Variants in KCNK12 observed in about 807,000 individuals in gnomAD.
The protein encoded by KCNK12 is potassium two pore domain channel subfamily K member 12.
KCNK12 carries 6 observed loss-of-function variants against 25.3 expected under a neutral mutation model. The observed-to-expected ratio is 0.24, with a 90% confidence interval of 0.13 to 0.47. KCNK12 has a LOEUF of 0.47. Ranked by LOEUF, KCNK12 falls within the 20% of genes least tolerant of loss-of-function variation. KCNK12 has a pLI of 0.99. For synonymous variants in KCNK12, 331 were observed against 311.1 expected (o/e 1.06, Z -0.67); for missense variants, 444 against 661.7 (o/e 0.67, Z 3.61).
In KCNK12 at chr2:47,569,060, G is replaced by A. The variant is rs1349120266; in HGVS notation, c.391+881C>T. ...GTGGCTCCAGAATTTCTCCACAGGA[G>A]CTCAGAGGCAGCAATCTGGCCACAG... is the stretch of plus-strand genomic sequence containing the variant. On this transcript the variant is annotated intron_variant, in intron 1 of 1. Transcript: ENST00000327876. This position sits in a 1 kb window ranked among gnomAD's most constrained non-coding sequence, Gnocchi z 4.1. Among the ~76,000 whole-genome samples the A allele has an allele frequency of 6.6e-6, 1 of 151,954 alleles. No homozygotes were observed. The highest frequency in any genetic ancestry group is 6.6e-5 in the Admixed American group (1 of 15,250).
Position 47,570,370 on chromosome 2 carries a change from G to T in KCNK12, c.-39C>A. 8.2e-7 allele frequency: 1 copy of T among 1,217,748 alleles called. No individual in the cohort carries two copies. The highest frequency in any genetic ancestry group is 3.5e-5 in the East Asian group (1 of 28,894). The allele number at this position is 1,217,748 out of a possible 1,614,324, so 75.4% of individuals were successfully genotyped here. On this transcript the variant is annotated 5_prime_UTR_variant, in exon 1 of 2. Transcript: ENST00000327876. ...GCCCCGGGGCCGGGGCGGCGCTCGG[G>T]GCCCGGGCCACGACATCCCCCCGGC...
At chr2:47,543,240 A>G (rs1463735544) in intron 1 of KCNK12, 2 of 151,698 alleles carry the variant, frequency 1.3e-5, no homozygotes, top group Non-Finnish European at 2.9e-5. Flanking sequence ...CACCACCACA[A>G]CAAGCACAGA....
intron 1 of KCNK12, among the ~76,000 whole-genome samples, chr2:47,545,914 C>CT (rs541242406): frequency 0.16 from 23,027 of 144,868 alleles, 2,024 homozygotes; most frequent in African/African-American, 0.24. Context: ...CACTTAACTT[C>CT]TTTTTTTTTT....
In KCNK12 at chr2:47,514,979, A is replaced by T. The variant is rs1243878782; in HGVS notation, c.*5928T>A. Among the ~76,000 whole-genome samples, 1 of 152,164 alleles carries T rather than the reference A, an allele frequency of 6.6e-6. No individual in the cohort carries two copies. The highest frequency in any genetic ancestry group is 1.5e-5 in the Non-Finnish European group (1 of 68,026). ...AAAGGTAACTGGCCACAGAAGGGAG[A>T]GGAATGGCAGTCCATCCAGGGATCA... On this transcript the variant is annotated 3_prime_UTR_variant, in exon 2 of 2. Transcript: ENST00000327876. This position sits in a 1 kb window ranked among gnomAD's most constrained non-coding sequence, Gnocchi z 5.0.
chr2:47,522,717 T>C (rs1459268358), intron 1 of KCNK12, among the ~76,000 whole-genome samples: 1 of 152,258 alleles, frequency 6.6e-6, no homozygotes, highest in Non-Finnish European at 1.5e-5. Context: ...CCTCTGGAAT[T>C]GGGCCTAAGG....
intron 1 of KCNK12, among the ~76,000 whole-genome samples, chr2:47,536,724 G>A (rs1240187817): frequency 6.6e-6 from 1 of 152,232 alleles, no homozygotes; most frequent in Non-Finnish European, 1.5e-5. Context: ...AATTCTAGGA[G>A]TTGGGCTTGA....
intron 1 of KCNK12, among the ~76,000 whole-genome samples, chr2:47,532,253 T>G (rs1225005167): frequency 6.6e-6 from 1 of 151,694 alleles, no homozygotes; most frequent in Non-Finnish European, 1.5e-5. Flanking sequence ...TGGGGAGCAC[T>G]GCAGTAGAGA....
Position 47,569,927 on chromosome 2 carries a change from G to A in KCNK12, c.391+14C>T. The A allele has an allele frequency of 7.3e-7, 1 of 1,368,266 alleles. No homozygotes were observed. Among genetic ancestry groups the A allele is most frequent in the East Asian group, 3.1e-5 (1 of 32,390 alleles). 84.8% of individuals were successfully genotyped at this position (1,368,266 alleles called of 1,614,324 possible). A position where few individuals can be genotyped will look rare whatever the true frequency, so the allele number is the denominator to read the frequency against. ...GCACAGAGAGGAAAGATGCGCGGGG[G>A]ACGCGCCGCTCACCTATGGTTGACA... is the stretch of plus-strand genomic sequence containing the variant. On this transcript the variant is annotated intron_variant, in intron 1 of 1. Transcript: ENST00000327876. This position sits in a 1 kb window ranked among gnomAD's most constrained non-coding sequence, Gnocchi z 4.1.
In KCNK12 at chr2:47,534,714, C is replaced by T. The variant is rs148041930; in HGVS notation, c.392-12906G>A. ...CTCACTCCTCCCTCCCACCTCAGGGCGCTCATGTGGGGCTTGTGTGGGGAA... is the reference window on the plus strand; with the variant it reads ...CTCACTCCTCCCTCCCACCTCAGGGTGCTCATGTGGGGCTTGTGTGGGGAA... On this transcript the variant is annotated intron_variant, in intron 1 of 1. Coordinates refer to ENST00000327876, the MANE Select transcript of KCNK12 (RefSeq NM_022055.2). Among the ~76,000 whole-genome samples the T allele has an allele frequency of 3.7e-3, 561 of 152,180 alleles. 2 individuals carry two copies. The highest frequency in any genetic ancestry group is 0.011 in the African/African-American group (463 of 41,504).
At position 47,537,573 on chromosome 2, in the gene KCNK12, C is replaced by T. The variant is rs372438320; in HGVS notation, c.392-15765G>A. On this transcript the variant is annotated intron_variant, in intron 1 of 1. Transcript: ENST00000327876. ...CTCAATCTCTTGACCTCGTGATCCG[C>T]CCGCCTCGGTCTCCCAAAGTGCTGG... 4.7e-4 allele frequency among the ~76,000 whole-genome samples: 71 copies of T among 152,286 alleles called. No individual in the cohort carries two copies. In the South Asian group the frequency reaches 0.015, roughly 31 times the overall value.
Position 47,521,545 on chromosome 2 carries a change from T to A in KCNK12, c.655A>T (p.Ile219Phe). 6.4e-7 allele frequency: 1 copy of A among 1,563,044 alleles called. No individual in the cohort carries two copies. ...AGCAGCACGGCGAACAGGCCCAGGATGAGCAGCACGTGGTACACCGAGGGC... is the reference window on the plus strand; with the variant it reads ...AGCAGCACGGCGAACAGGCCCAGGAAGAGCAGCACGTGGTACACCGAGGGC... ...WKPSVYHVLL[I>F]LGLFAVLLSC... Residue 219 changes from isoleucine (I) to phenylalanine (F), a missense_variant, in exon 2 of 2, where the codon ATC becomes TTC. By Grantham distance (21) the Ile-to-Phe change is conservative. Coordinates refer to ENST00000327876, the MANE Select transcript of KCNK12 (RefSeq NM_022055.2).
intron 1 of KCNK12, among the ~76,000 whole-genome samples, chr2:47,544,410 C>A (rs1669267823): frequency 6.6e-6 from 1 of 152,246 alleles, no homozygotes; most frequent in Admixed American, 6.5e-5. Flanking sequence ...TTACTGAGAA[C>A]CACATTTGGG....
chr2:47,526,212 T>C (rs956974233), intron 1 of KCNK12, among the ~76,000 whole-genome samples: 1 of 143,180 alleles, frequency 7.0e-6, no homozygotes, highest in African/African-American at 2.6e-5. Flanking sequence ...CTGACCAATA[T>C]GCAAAAACCC....
chr2:47,557,988 C>T lies in KCNK12; in HGVS notation c.391+11953G>A, dbSNP rs144209157. Among the ~76,000 whole-genome samples, 1 of 152,212 alleles carries T rather than the reference C, an allele frequency of 6.6e-6. No individual in the cohort carries two copies. The highest frequency in any genetic ancestry group is 2.4e-5 in the African/African-American group (1 of 41,530). ...GCTTACAGGAGCTTTGGAATGAATC[C>T]CTTTGAGAAGCAAAGCCTTCTTTTA... On this transcript the variant is annotated intron_variant, in intron 1 of 1. Transcript: ENST00000327876. The surrounding 1 kb of genome is among the most constrained non-coding windows in gnomAD (Gnocchi z 4.9).
Position 47,560,662 on chromosome 2 carries a change from T to C in KCNK12, c.391+9279A>G, listed in dbSNP as rs911957780. ...AGCCTGTCATCTGTGAAATGGGATA[T>C]AATTTTCTTTGCTGTCCTAGGATTT... On this transcript the variant is annotated intron_variant, in intron 1 of 1. Coordinates refer to ENST00000327876, the MANE Select transcript of KCNK12 (RefSeq NM_022055.2). The surrounding 1 kb of genome is among the most constrained non-coding windows in gnomAD (Gnocchi z 4.7). Among the ~76,000 whole-genome samples, 3 of 152,214 alleles carry C rather than the reference T, an allele frequency of 2.0e-5. No homozygotes were observed. The highest frequency in any genetic ancestry group is 4.8e-5 in the African/African-American group (2 of 41,450).
At chr2:47,535,732 T>C (rs1669053345) in intron 1 of KCNK12, among the ~76,000 whole-genome samples, 1 of 152,136 alleles carries the variant, frequency 6.6e-6, no homozygotes, top group African/African-American at 2.4e-5. Flanking sequence ...ACTCCACCTC[T>C]TGAGGCCTGA....
Position 47,521,134 on chromosome 2 carries a change from C to A in KCNK12, c.1066G>T (p.Asp356Tyr). ...AALGADPAARDSDAEGRRLSG... is the reference protein window; with the variant it reads ...AALGADPAARYSDAEGRRLSG... ...AGGCGGCGGCCCTCGGCGTCGCTGT[C>A]GCGGGCCGCGGGGTCGGCACCGAGC... Residue 356 changes from aspartate (D) to tyrosine (Y), a missense_variant, in exon 2 of 2, where the codon GAC becomes TAC. Transcript: ENST00000327876. 7.9e-7 allele frequency: 1 copy of A among 1,271,106 alleles called. No individual in the cohort carries two copies. The highest frequency in any genetic ancestry group is 3.0e-5 in the South Asian group (1 of 33,328). The allele number at this position is 1,271,106 out of a possible 1,614,324, so 78.7% of individuals were successfully genotyped here. A position where few individuals can be genotyped will look rare whatever the true frequency, so the allele number is the denominator to read the frequency against.
Position 47,560,786 on chromosome 2 carries a change from CA to C in KCNK12, c.391+9154del, listed in dbSNP as rs1669652129. 1.3e-5 allele frequency among the ~76,000 whole-genome samples: 2 copies of C among 152,180 alleles called. No individual in the cohort carries two copies. The highest frequency in any genetic ancestry group is 4.1e-4 in the South Asian group (2 of 4,832). ...TCAATCAGGGAGACCAACAATGCCTCAGTTATCCCCCTCACTCCCCAGAACA... is the reference window on the plus strand; with the variant it reads ...TCAATCAGGGAGACCAACAATGCCTCGTTATCCCCCTCACTCCCCAGAACA... On this transcript the variant is annotated intron_variant, in intron 1 of 1. Transcript: ENST00000327876. This position sits in a 1 kb window ranked among gnomAD's most constrained non-coding sequence, Gnocchi z 4.7.
intron 1 of KCNK12, among the ~76,000 whole-genome samples, chr2:47,530,120 G>A (rs1402083729): frequency 6.6e-6 from 1 of 152,100 alleles, no homozygotes; most frequent in Non-Finnish European, 1.5e-5. Context: ...GCTCACACAA[G>A]GCTGAGCCCT....
Sources: gnomAD v4.1 joint callset for allele counts (sites outside exome capture counted in the v4.1 genomes callset) on GRCh38, gnomAD v4.1.1 for gene constraint, Gnocchi (gnomAD v3.1) non-coding constraint, MANE v1.5 for transcripts, NCBI Gene and HGNC (gene_info 2026-07-23, HGNC 2026-07-21) for gene names.